TGFBR2: variants seen among roughly 807,000 people sequenced by gnomAD.
The protein encoded by TGFBR2 is TGF-beta receptor type-2.
A neutral mutation model predicts 49.0 loss-of-function variants in TGFBR2; 18 were observed. That is an observed-to-expected ratio of 0.37 (90% confidence interval 0.25 to 0.54). The LOEUF (loss-of-function observed/expected upper bound fraction) is 0.54, where lower values mean the gene tolerates loss of function less well. Ranked by LOEUF, TGFBR2 falls within the 20% of genes least tolerant of loss-of-function variation. The probability of loss-of-function intolerance (pLI) is 0.85; values close to 1 mark genes in which losing one functional copy is unlikely to be tolerated. For missense variants in TGFBR2, 525 were observed against 722.6 expected (o/e 0.73, Z 3.13); for synonymous variants, 282 against 275.9 (o/e 1.02, Z -0.22).
At position 30,606,700 on chromosome 3, in the gene TGFBR2, C is replaced by G; in HGVS notation, c.-184C>G. 1 of 400,070 alleles carries G rather than the reference C, an allele frequency of 2.5e-6. No homozygotes were observed. Among genetic ancestry groups the G allele is most frequent in the Non-Finnish European group, 4.3e-6 (1 of 230,598 alleles). The allele number at this position is 400,070 out of a possible 1,614,324, so 24.8% of individuals were successfully genotyped here. A position where few individuals can be genotyped will look rare whatever the true frequency, so the allele number is the denominator to read the frequency against. ...CCCTCGGCCGCCGGGGGCCTCCCCG[C>G]GCCTCGCCGGCCTCCAGGCCCCCTC... On this transcript the variant is annotated 5_prime_UTR_variant, in exon 1 of 7. Transcript: ENST00000295754.
chr3:30,645,363 A>G (rs1559456800), intron 2 of TGFBR2, among the ~76,000 whole-genome samples: 1 of 152,302 alleles, frequency 6.6e-6, no homozygotes, highest in Non-Finnish European at 1.5e-5. Flanking sequence ...CTACCAGCCA[A>G]AAATGGGGAA....
intron 3 of TGFBR2, among the ~76,000 whole-genome samples, chr3:30,663,707 A>G (rs1432238994): frequency 2.0e-5 from 3 of 152,192 alleles, no homozygotes; most frequent in Non-Finnish European, 4.4e-5. Flanking sequence ...GTTGGGGAAC[A>G]TGAACAGACT....
intron 1 of TGFBR2, among the ~76,000 whole-genome samples, chr3:30,607,266 C>G (rs1490550295): frequency 6.6e-6 from 1 of 152,236 alleles, no homozygotes; most frequent in African/African-American, 2.4e-5. Context: ...GCCCCCACCC[C>G]CGGAAAGGGA....
rs536897183 is a variant in TGFBR2 at position 30,640,873 on chromosome 3, T to G, written c.95-3874T>G. 2.0e-5 allele frequency among the ~76,000 whole-genome samples: 3 copies of G among 152,324 alleles called. No individual in the cohort carries two copies. In the South Asian group the frequency reaches 6.2e-4, roughly 32 times the overall value. On this transcript the variant is annotated intron_variant, in intron 1 of 6. Transcript: ENST00000295754. Reference sequence around the variant, plus strand: ...TTGTATCGTTGTTTAGAGGAATATCTTTATTCCTAGCTATGCACATGTATG... The same window carrying G: ...TTGTATCGTTGTTTAGAGGAATATCGTTATTCCTAGCTATGCACATGTATG...
At chr3:30,644,015 C>A (rs1698686249) in intron 1 of TGFBR2, among the ~76,000 whole-genome samples, 1 of 152,124 alleles carries the variant, frequency 6.6e-6, no homozygotes, top group African/African-American at 2.4e-5. Context: ...GTGGATTCAG[C>A]TTTTATTTGC....
intron 3 of TGFBR2, among the ~76,000 whole-genome samples, chr3:30,655,802 G>C (rs1020869996): frequency 1.3e-5 from 2 of 152,186 alleles, no homozygotes; most frequent in Non-Finnish European, 2.9e-5. Context: ...GCACACAGTA[G>C]GTGCATCCTT....
rs751783530 is a variant in TGFBR2, at chr3:30,650,300, G to A, written c.294G>A (p.Glu98=). 1 of 1,613,880 alleles carries A rather than the reference G, an allele frequency of 6.2e-7. No individual in the cohort carries two copies. The highest frequency in any genetic ancestry group is 1.7e-5 in the Admixed American group (1 of 60,004). ...WRKNDENITL[E]TVCHDPKLPY... Reference sequence around the variant, plus strand: ...AGAATGACGAGAACATAACACTAGAGACAGTTTGCCATGACCCCAAGCTCC... The same window carrying A: ...AGAATGACGAGAACATAACACTAGAAACAGTTTGCCATGACCCCAAGCTCC... Residue 98 remains glutamate, a synonymous_variant, in exon 3 of 7, where the codon GAG becomes GAA. Coordinates refer to ENST00000295754, the MANE Select transcript of TGFBR2 (RefSeq NM_003242.6).
At chr3:30,646,183 A>T (rs946021375) in intron 2 of TGFBR2, among the ~76,000 whole-genome samples, 3 of 152,206 alleles carry the variant, frequency 2.0e-5, no homozygotes, top group African/African-American at 4.8e-5. Context: ...GCTAGCCTTG[A>T]TGATAGATCT....
intron 5 of TGFBR2, 38 bp from the exon 6 acceptor site, chr3:30,688,346 A>G: frequency 3.7e-6 from 6 of 1,614,004 alleles, no homozygotes; most frequent in Non-Finnish European, 5.1e-6. Context: ...TGCACATGCC[A>G]TTCTCAGTGA....
At chr3:30,669,152 A>G (rs967260054) in intron 3 of TGFBR2, among the ~76,000 whole-genome samples, 1 of 139,752 alleles carries the variant, frequency 7.2e-6, no homozygotes, top group African/African-American at 2.8e-5. Context: ...AAAAAAAAAA[A>G]GCTGGGCATA....
chr3:30,676,942 T>A lies in TGFBR2; in HGVS notation c.1396+2696T>A, dbSNP rs1699450499. ...CAGCCACTGAGAATAATTTTATGCTTGAAAGCTTTGACAGTTCCAAAATGA... is the reference window on the plus strand; with the variant it reads ...CAGCCACTGAGAATAATTTTATGCTAGAAAGCTTTGACAGTTCCAAAATGA... On this transcript the variant is annotated intron_variant, in intron 5 of 6. Coordinates refer to ENST00000295754, the MANE Select transcript of TGFBR2 (RefSeq NM_003242.6). The surrounding 1 kb of genome is among the most constrained non-coding windows in gnomAD (Gnocchi z 4.3). Among the ~76,000 whole-genome samples the A allele has an allele frequency of 6.6e-6, 1 of 152,260 alleles. No homozygotes were observed. The highest frequency in any genetic ancestry group is 2.4e-5 in the African/African-American group (1 of 41,466).
chr3:30,607,580 G>C (rs1182412868), intron 1 of TGFBR2, among the ~76,000 whole-genome samples: 5 of 151,996 alleles, frequency 3.3e-5, no homozygotes, highest in Admixed American at 6.6e-5. Context: ...GGATGGATAG[G>C]GAGTGGAGAT....
Position 30,672,186 on chromosome 3 carries a change from G to C in TGFBR2, c.1003G>C (p.Glu335Gln). The change falls in exon 4 of 7, where the codon GAG becomes CAG. Residue 335 changes from glutamate to glutamine, a missense_variant. Glu to Gln is a conservative substitution (Grantham distance 29). This residue lies in a region of TGFBR2 where 376 missense variants were observed against 478.2 expected (regional missense o/e 0.79). Transcript: ENST00000295754. The surrounding 1 kb of genome is among the most constrained non-coding windows in gnomAD (Gnocchi z 4.5). ...CTTCCACGCCAAGGGCAACCTACAG[G>C]AGTACCTGACGCGGCATGTCATCAG... ...TAFHAKGNLQ[E>Q]YLTRHVISWE... is the part of the protein sequence containing the mutation. The C allele has an allele frequency of 6.2e-7, 1 of 1,613,362 alleles. No individual in the cohort carries two copies. The highest frequency in any genetic ancestry group is 8.5e-7 in the Non-Finnish European group (1 of 1,179,244).
chr3:30,634,620 T>C (rs1575139221), intron 1 of TGFBR2, among the ~76,000 whole-genome samples: 1 of 152,236 alleles, frequency 6.6e-6, no homozygotes, highest in African/African-American at 2.4e-5. Context: ...ACTCCGTCAG[T>C]CGTGTATCAT....
intron 1 of TGFBR2, among the ~76,000 whole-genome samples, chr3:30,625,254 G>C (rs73052875): frequency 5.5e-4 from 83 of 152,232 alleles, no homozygotes; most frequent in Admixed American, 1.2e-3. Flanking sequence ...AAATATTAAA[G>C]ATCCTAGGAA....
Position 30,661,942 on chromosome 3 carries a change from C to G in TGFBR2, c.455-9696C>G. On this transcript the variant is annotated intron_variant, in intron 3 of 6. Transcript: ENST00000295754. ...AGGCTGATTTTAGGGTCTGATAAAT[C>G]TGTCAGACTTTAGAGTCTCATCAAT... is the stretch of plus-strand genomic sequence containing the variant. Among the ~76,000 whole-genome samples, 2 of 152,246 alleles carry G rather than the reference C, an allele frequency of 1.3e-5. 1 individual carries two copies. Among genetic ancestry groups the G allele is most frequent in the Middle Eastern group, 6.8e-3 (2 of 294 alleles).
chr3:30,672,974 C>T lies in TGFBR2; in HGVS notation c.1254+537C>T, dbSNP rs1699370256. On this transcript the variant is annotated intron_variant, in intron 4 of 6. Coordinates refer to ENST00000295754, the MANE Select transcript of TGFBR2 (RefSeq NM_003242.6). This position sits in a 1 kb window ranked among gnomAD's most constrained non-coding sequence, Gnocchi z 4.5. The stretch of plus-strand genomic sequence containing the variant: ...AGCACTTCCACTCTTGAAGCACTCT[C>T]ACAGATTAAAATGGAAATGTTTTTG... 6.6e-6 allele frequency among the ~76,000 whole-genome samples: 1 copy of T among 152,186 alleles called. No homozygotes were observed. Among genetic ancestry groups the T allele is most frequent in the Admixed American group, 6.5e-5 (1 of 15,284 alleles).
intron 1 of TGFBR2, among the ~76,000 whole-genome samples, chr3:30,622,879 CAAAAAAAAAAAA>C (rs10575244): frequency 2.6e-5 from 2 of 75,624 alleles, no homozygotes; most frequent in African/African-American, 1.1e-4. Flanking sequence ...GACTTTGTCT[CAAAAAAAAAAAA>C]AAAAAAAAAA....
chr3:30,615,618 C>G (rs1698116586), intron 1 of TGFBR2, among the ~76,000 whole-genome samples: 1 of 151,734 alleles, frequency 6.6e-6, no homozygotes, highest in Non-Finnish European at 1.5e-5. Flanking sequence ...AGTGTGCAAC[C>G]AAAAAATATA....
Sources: gnomAD v4.1 joint callset for allele counts (sites outside exome capture counted in the v4.1 genomes callset) on GRCh38, gnomAD v4.1.1 for gene constraint, gnomAD v4.1.1 regional missense constraint, Gnocchi (gnomAD v3.1) non-coding constraint, MANE v1.5 for transcripts, NCBI Gene and HGNC (gene_info 2026-07-23, HGNC 2026-07-21) for gene names.